EEFSEC: variants seen among roughly 807,000 people sequenced by gnomAD.
EEFSEC encodes eukaryotic elongation factor, selenocysteine-tRNA specific.
In EEFSEC, 43 loss-of-function variants were observed where a neutral mutation model predicts 42.1. The observed-to-expected ratio is 1.02, with a 90% confidence interval of 0.80 to 1.32. EEFSEC has a LOEUF of 1.32. Among genes scored for constraint, EEFSEC ranks in the 40% most tolerant of loss-of-function variants. The pLI is 0.00. For missense variants in EEFSEC, 745 were observed against 803.6 expected (o/e 0.93, Z 0.88); for synonymous variants, 354 against 339.1 (o/e 1.04, Z -0.48).
At chr3:128,415,682 C>T in the EEFSEC span, among the ~76,000 whole-genome samples, 3 of 152,192 alleles carry the variant, frequency 2.0e-5, no homozygotes, top group South Asian at 4.1e-4. Flanking sequence ...CCCTCAACCT[C>T]GGGGCTCTCG....
At chr3:128,276,502 C>G (rs527333655) in intron 4 of EEFSEC, among the ~76,000 whole-genome samples, 41 of 152,270 alleles carry the variant, frequency 2.7e-4, no homozygotes, top group Non-Finnish European at 5.3e-4. Flanking sequence ...GCTTCCTTAT[C>G]CGCAAAACAT....
downstream of EEFSEC, among the ~76,000 whole-genome samples, chr3:128,409,985 G>A (rs1010447870): frequency 6.6e-6 from 1 of 152,212 alleles, no homozygotes; most frequent in Non-Finnish European, 1.5e-5. Flanking sequence ...TGGTCCCCCA[G>A]GGGAGGGCAG....
chr3:128,304,031 C>A (rs1336824771), intron 4 of EEFSEC, among the ~76,000 whole-genome samples: 1 of 149,974 alleles, frequency 6.7e-6, no homozygotes, highest in Non-Finnish European at 1.5e-5. Flanking sequence ...TTTTTTCTTC[C>A]ATGCCAGTGT....
chr3:128,272,948 T>C (rs1368594623), intron 4 of EEFSEC, among the ~76,000 whole-genome samples: 1 of 152,184 alleles, frequency 6.6e-6, no homozygotes, highest in Non-Finnish European at 1.5e-5. Flanking sequence ...TGGACACAGA[T>C]GGACTATGTT....
intron 6 of EEFSEC, among the ~76,000 whole-genome samples, chr3:128,372,685 T>C (rs2067668006): frequency 6.6e-6 from 1 of 152,184 alleles, no homozygotes; most frequent in African/African-American, 2.4e-5. Flanking sequence ...CACTACAGTG[T>C]AGAAATCCAC....
intron 1 of EEFSEC, among the ~76,000 whole-genome samples, chr3:128,186,473 TG>T (rs2065466365): frequency 6.6e-6 from 1 of 152,328 alleles, no homozygotes; most frequent in East Asian, 1.9e-4. Context: ...GTGCTTTTGG[TG>T]TCATATCTAA....
chr3:128,316,508 A>C (rs1219069202), intron 4 of EEFSEC, among the ~76,000 whole-genome samples: 1 of 152,200 alleles, frequency 6.6e-6, no homozygotes, highest in Non-Finnish European at 1.5e-5. Context: ...CTTATGATCG[A>C]CAGGCACGTG....
At chr3:128,401,093 A>G (rs1424330036) in intron 6 of EEFSEC, among the ~76,000 whole-genome samples, 1 of 152,136 alleles carries the variant, frequency 6.6e-6, no homozygotes, top group African/African-American at 2.4e-5. Flanking sequence ...ACGTACATGT[A>G]GCACACACAC....
chr3:128,407,651 G>A (rs547083579), intron 6 of EEFSEC, among the ~76,000 whole-genome samples: 17 of 152,304 alleles, frequency 1.1e-4, no homozygotes, highest in East Asian at 5.8e-4. Context: ...AAACCTGGTC[G>A]TGCTGTCTGC....
chr3:128,211,629 C>T (rs2065756860), intron 1 of EEFSEC, among the ~76,000 whole-genome samples: 1 of 151,568 alleles, frequency 6.6e-6, no homozygotes. Context: ...GATTCCCATG[C>T]CTCAGCCCCC....
intron 6 of EEFSEC, among the ~76,000 whole-genome samples, chr3:128,390,496 G>A (rs546219206): frequency 6.6e-6 from 1 of 152,328 alleles, no homozygotes; most frequent in African/African-American, 2.4e-5. Context: ...TTCGCCAAAT[G>A]AAAAAACCTA....
chr3:128,319,276 G>A (rs554366108), intron 4 of EEFSEC, among the ~76,000 whole-genome samples: 1 of 152,264 alleles, frequency 6.6e-6, no homozygotes, highest in East Asian at 1.9e-4. Context: ...CCTCACCAGG[G>A]GACAGCAGGC....
At chr3:128,162,059 A>T (rs769266774) in intron 1 of EEFSEC, among the ~76,000 whole-genome samples, 19 of 152,192 alleles carry the variant, frequency 1.2e-4, no homozygotes, top group Non-Finnish European at 2.4e-4. Flanking sequence ...TATTATGTGA[A>T]ATTGTGGTAA....
At chr3:128,377,257 C>CT (rs60299968) in intron 6 of EEFSEC, among the ~76,000 whole-genome samples, 10,645 of 150,262 alleles carry the variant, frequency 0.071, 757 homozygotes, top group African/African-American at 0.19. Flanking sequence ...ATTATACAAA[C>CT]TTTTTTTTTT....
intron 1 of EEFSEC, among the ~76,000 whole-genome samples, chr3:128,228,262 A>G (rs746143662): frequency 2.0e-5 from 3 of 152,174 alleles, no homozygotes; most frequent in Admixed American, 6.5e-5. Flanking sequence ...GCACTATCCT[A>G]GGGCAACAGG....
In EEFSEC at chr3:128,358,241, G is replaced by A. The variant is rs372207524; in HGVS notation, c.1468G>A (p.Gly490Ser). 22 of 1,613,998 alleles carry A rather than the reference G, an allele frequency of 1.4e-5. No individual in the cohort carries two copies. Among genetic ancestry groups the A allele is most frequent in the Admixed American group, 3.3e-5 (2 of 59,998 alleles). ...ERAMDDYSVI[G>S]RSLFKKETNI... ...GGCGATGGATGACTACAGTGTGATCGGCCGCTCCCTGTTCAAAAAGGAAAC... is the reference window on the plus strand; with the variant it reads ...GGCGATGGATGACTACAGTGTGATCAGCCGCTCCCTGTTCAAAAAGGAAAC... The change falls in exon 6 of 7, where the codon GGC (glycine) becomes AGC (serine). Residue 490 changes from glycine (G) to serine (S), a missense_variant. Coordinates refer to ENST00000254730, the MANE Select transcript of EEFSEC (RefSeq NM_021937.5).
intron 1 of EEFSEC, among the ~76,000 whole-genome samples, chr3:128,242,934 G>A (rs1242585112): frequency 6.6e-6 from 1 of 152,180 alleles, no homozygotes; most frequent in Non-Finnish European, 1.5e-5. Flanking sequence ...TGGGTTCATG[G>A]GAATTGGGAA....
the EEFSEC span, among the ~76,000 whole-genome samples, chr3:128,415,443 G>A: frequency 2.1e-5 from 3 of 143,158 alleles, no homozygotes; most frequent in East Asian, 6.6e-4. Flanking sequence ...TGTAATGGGT[G>A]TGGCATGAGA....
chr3:128,191,923 G>A (rs984884299), intron 1 of EEFSEC, among the ~76,000 whole-genome samples: 2 of 152,112 alleles, frequency 1.3e-5, no homozygotes, highest in Non-Finnish European at 2.9e-5. Flanking sequence ...GAATATTGGT[G>A]TCTAGGTATC....
Sources: gnomAD v4.1 joint callset for allele counts (sites outside exome capture counted in the v4.1 genomes callset) on GRCh38, gnomAD v4.1.1 for gene constraint, MANE v1.5 for transcripts, NCBI Gene and HGNC (gene_info 2026-07-23, HGNC 2026-07-21) for gene names.